Variants in PIP5K1C observed in about 807,000 individuals in gnomAD.
The protein encoded by PIP5K1C is phosphatidylinositol 4-phosphate 5-kinase type-1 gamma.
Under a neutral mutation model 80.1 loss-of-function variants are expected in PIP5K1C, and 45 were observed. That is an observed-to-expected ratio of 0.56 (90% CI 0.44 to 0.72). The LOEUF (loss-of-function observed/expected upper bound fraction) is 0.72. Among genes scored for constraint, PIP5K1C ranks in the 30% least tolerant of loss-of-function variants. The pLI, the probability that PIP5K1C is intolerant of heterozygous loss-of-function variation, is 0.00. For missense variants in PIP5K1C, 753 were observed against 954.6 expected (o/e 0.79, Z 2.78); for synonymous variants, 498 against 420.1 (o/e 1.19, Z -2.27).
At chr19:3,691,947 G>A (rs918262891) in intron 1 of PIP5K1C, among the ~76,000 whole-genome samples, 1 of 152,122 alleles carries the variant, frequency 6.6e-6, no homozygotes, top group South Asian at 2.1e-4. Flanking sequence ...CACAGGCCCC[G>A]AGGCAGCTGC....
At chr19:3,659,929 C>G (rs1009803696) in intron 5 of PIP5K1C, among the ~76,000 whole-genome samples, 1 of 152,226 alleles carries the variant, frequency 6.6e-6, no homozygotes, top group East Asian at 1.9e-4. Context: ...ACCGTGCTGT[C>G]GTGACAACCA....
At chr19:3,679,334 G>A (rs1438216521) in intron 1 of PIP5K1C, among the ~76,000 whole-genome samples, 1 of 152,164 alleles carries the variant, frequency 6.6e-6, no homozygotes, top group African/African-American at 2.4e-5. Flanking sequence ...CTGCCTCAGG[G>A]GCCTTGCGCG....
At chr19:3,700,192 G>T in intron 1 of PIP5K1C, 105 bp downstream of exon 1, 2 of 581,026 alleles carry the variant, frequency 3.4e-6, no homozygotes, top group Non-Finnish European at 4.5e-6. Context: ...AACCGGCGGC[G>T]CCCCCGCAGC....
intron 1 of PIP5K1C, among the ~76,000 whole-genome samples, chr19:3,678,550 AG>A (rs1568350577): frequency 3.1e-5 from 1 of 32,434 alleles, no homozygotes; most frequent in South Asian, 1.2e-3. Context: ...AGGGATGGAG[AG>A]ATGGAAGGAG....
chr19:3,659,096 G>A (rs1484808739), intron 5 of PIP5K1C, among the ~76,000 whole-genome samples: 1 of 152,152 alleles, frequency 6.6e-6, no homozygotes, highest in Non-Finnish European at 1.5e-5. Context: ...GGGGGACTGT[G>A]ACCTCAGCTG....
At chr19:3,633,971 C>T (rs2033567473) in intron 16 of PIP5K1C, among the ~76,000 whole-genome samples, 2 of 152,166 alleles carry the variant, frequency 1.3e-5, no homozygotes. Flanking sequence ...GGGTGCCGGA[C>T]CTACTTCCCA....
chr19:3,637,520 G>GGCT lies in PIP5K1C; in HGVS notation c.1920+1361_1920+1363dup. 1 of 1,535,516 alleles carries GGCT rather than the reference G, an allele frequency of 6.5e-7. No individual in the cohort carries two copies. The highest frequency in any genetic ancestry group is 2.4e-5 in the East Asian group (1 of 40,870). ...ACTGCCCCTTCTCCCCAGGGTGGCC[G>GGCT]GCTGCGGTCACTTACAGTCCCCGAG... On this transcript the variant is annotated intron_variant, in intron 16 of 17. Coordinates refer to ENST00000335312, the MANE Select transcript of PIP5K1C (RefSeq NM_012398.3). This position sits in a 1 kb window ranked among gnomAD's most constrained non-coding sequence, Gnocchi z 7.0.
chr19:3,690,041 A>G (rs562978890), intron 1 of PIP5K1C, among the ~76,000 whole-genome samples: 2 of 151,998 alleles, frequency 1.3e-5, no homozygotes, highest in African/African-American at 2.4e-5. Context: ...GGTGACAGTC[A>G]TTATCTCCAC....
intron 10 of PIP5K1C, 109 bp downstream of exon 10, chr19:3,647,229 G>C (rs2034266697): frequency 6.6e-6 from 6 of 911,042 alleles, no homozygotes; most frequent in Admixed American, 2.1e-5. Flanking sequence ...GGAGGGATGG[G>C]AGGAGGGTGC....
chr19:3,657,550 C>T (rs1274406007), intron 5 of PIP5K1C, among the ~76,000 whole-genome samples: 1 of 152,088 alleles, frequency 6.6e-6, no homozygotes, highest in Non-Finnish European at 1.5e-5. Context: ...GGGTGGTCTC[C>T]GAGTGCTGCG....
At chr19:3,663,567 C>A (rs1308249344) in intron 3 of PIP5K1C, among the ~76,000 whole-genome samples, 1 of 152,218 alleles carries the variant, frequency 6.6e-6, no homozygotes, top group African/African-American at 2.4e-5. Context: ...GAATCCCGGC[C>A]AGTCGGGAGG....
rs779868300 is a variant in PIP5K1C, at chr19:3,675,505, C to G, written c.95-8152G>C. ...CCTTTCTTTTCTCTCCATCATGGACCAAGGCTTTTGTGAAACGCAGTAAAC... is the reference window on the plus strand; with the variant it reads ...CCTTTCTTTTCTCTCCATCATGGACGAAGGCTTTTGTGAAACGCAGTAAAC... On this transcript the variant is annotated intron_variant, in intron 1 of 17. Transcript: ENST00000335312. Among the ~76,000 whole-genome samples, 11 of 152,288 alleles carry G rather than the reference C, an allele frequency of 7.2e-5. No homozygotes were observed. The South Asian group carries it at 2.1e-3, about 29-fold the overall frequency.
chr19:3,646,913 A>G (rs1337231659), intron 10 of PIP5K1C, among the ~76,000 whole-genome samples: 4 of 149,890 alleles, frequency 2.7e-5, no homozygotes, highest in African/African-American at 4.9e-5. Flanking sequence ...AGAGGGAGGA[A>G]GGATGGGAGG....
Position 3,642,059 on chromosome 19 carries a change from T to C in PIP5K1C, c.1683-250A>G, listed in dbSNP as rs2302157. Among the ~76,000 whole-genome samples, 101,634 of 152,050 alleles carry C rather than the reference T, an allele frequency of 0.67. 34,430 individuals are homozygous for C. The highest frequency in any genetic ancestry group is 0.78 in the African/African-American group (32,426 of 41,504). On this transcript the variant is annotated intron_variant, in intron 14 of 17. Transcript: ENST00000335312. ...ATGAGCAAATGGCAGCCCCGACCGG[T>C]GTGGGTGCCACAGACCCTGCCCACC...
In PIP5K1C at chr19:3,637,266, C is replaced by T. The variant is rs906708361; in HGVS notation, c.1920+1618G>A. The T allele has an allele frequency of 6.8e-7, 1 of 1,470,686 alleles. No individual in the cohort carries two copies. Among genetic ancestry groups the T allele is most frequent in the Non-Finnish European group, 9.0e-7 (1 of 1,113,024 alleles). 91.1% of individuals were successfully genotyped at this position (1,470,686 alleles called of 1,614,324 possible). ...GGTCTGGCCGGGGTCCGAAGCAGAC[C>T]CTGGGCCTCAGCTGTGCACCTGGTG... On this transcript the variant is annotated intron_variant, in intron 16 of 17. Transcript: ENST00000335312. The surrounding 1 kb of genome is among the most constrained non-coding windows in gnomAD (Gnocchi z 7.0).
rs567243605 is a variant in PIP5K1C at position 3,661,960 on chromosome 19, G to A, written c.261C>T (p.Ile87=). The change falls in exon 4 of 18, where the codon ATC becomes ATT. Residue 87 remains isoleucine (I), a synonymous_variant. Coordinates refer to ENST00000335312, the MANE Select transcript of PIP5K1C (RefSeq NM_012398.3). Reference sequence around the variant, plus strand: ...AGCTCAGGTGGCCCACGGTGTAGCCGATGCCCAGCTGGATGGCACCCTTCA... The same window carrying A: ...AGCTCAGGTGGCCCACGGTGTAGCCAATGCCCAGCTGGATGGCACCCTTCA... ...STLKGAIQLG[I]GYTVGHLSSK... The A allele has an allele frequency of 2.9e-5, 46 of 1,610,044 alleles. 1 individual carries two copies. The highest frequency in any genetic ancestry group is 2.0e-4 in the African/African-American group (15 of 75,026).
intron 1 of PIP5K1C, among the ~76,000 whole-genome samples, chr19:3,679,356 T>C (rs1395537369): frequency 1.3e-5 from 2 of 152,138 alleles, no homozygotes; most frequent in East Asian, 1.9e-4. Context: ...GCTGCGCCTG[T>C]GTCCCTGCTT....
chr19:3,636,871 T>C, intron 16 of PIP5K1C: 1 of 993,704 alleles, frequency 1.0e-6, no homozygotes, highest in Non-Finnish European at 1.2e-6. Context: ...CCCTTGCTTA[T>C]TGGTCATAAT....
Position 3,648,723 on chromosome 19 carries a change from C to T in PIP5K1C, c.1128-15G>A, listed in dbSNP as rs1016534936. 1.3e-5 allele frequency: 21 copies of T among 1,610,356 alleles called. No individual in the cohort carries two copies. Among genetic ancestry groups the T allele is most frequent in the East Asian group, 4.5e-5 (2 of 44,878 alleles). On this transcript the variant is annotated splice_polypyrimidine_tract_variant and intron_variant, in intron 8 of 17. Transcript: ENST00000335312. The surrounding 1 kb of genome is among the most constrained non-coding windows in gnomAD (Gnocchi z 4.3). Reference sequence around the variant, plus strand: ...TCCCGCCCATCCTGGGGAGAGAGGCCGAGGGTACCATCAGCATCCCGCAGA... The same window carrying T: ...TCCCGCCCATCCTGGGGAGAGAGGCTGAGGGTACCATCAGCATCCCGCAGA...
Sources: gnomAD v4.1 joint callset for allele counts (sites outside exome capture counted in the v4.1 genomes callset) on GRCh38, gnomAD v4.1.1 for gene constraint, Gnocchi (gnomAD v3.1) non-coding constraint, MANE v1.5 for transcripts, NCBI Gene and HGNC (gene_info 2026-07-23, HGNC 2026-07-21) for gene names.